The following SNTB1 variants were observed in gnomAD, a reference collection of about 807,000 sequenced individuals.
SNTB1 encodes the protein syntrophin beta 1, also known as beta-1-syntrophin.
In SNTB1, 36 loss-of-function variants were observed where a neutral mutation model predicts 48.9. The ratio of observed to expected loss-of-function variants is 0.74; its 90% CI spans 0.56 to 0.97. SNTB1 has a LOEUF of 0.97. Among genes scored for constraint, SNTB1 ranks in the 50% least tolerant of loss-of-function variants. The pLI, the probability that SNTB1 is intolerant of heterozygous loss-of-function variation, is 0.00. For missense variants in SNTB1, 786 were observed against 703.4 expected (o/e 1.12, Z -1.33); for synonymous variants, 299 against 294.6 (o/e 1.01, Z -0.15).
At chr8:120,699,754 C>T (rs1350463159) in intron 1 of SNTB1, among the ~76,000 whole-genome samples, 1 of 152,170 alleles carries the variant, frequency 6.6e-6, no homozygotes, top group African/African-American at 2.4e-5. Flanking sequence ...TTATTCTTGA[C>T]AGCTCTATGT....
At chr8:120,623,586 CCTT>C (rs1471386341) in intron 3 of SNTB1, among the ~76,000 whole-genome samples, 2 of 152,194 alleles carry the variant, frequency 1.3e-5, no homozygotes, top group Non-Finnish European at 2.9e-5. Context: ...CGTGCAGTGT[CCTT>C]CTCCCAGGCT....
intron 1 of SNTB1, among the ~76,000 whole-genome samples, chr8:120,706,708 C>T (rs77246837): frequency 2.6e-5 from 4 of 152,114 alleles, no homozygotes; most frequent in East Asian, 1.9e-4. Flanking sequence ...TGAAACTTTA[C>T]GTCAAAAGCA....
intron 1 of SNTB1, among the ~76,000 whole-genome samples, chr8:120,720,829 G>A (rs1462581523): frequency 6.6e-6 from 1 of 152,136 alleles, no homozygotes; most frequent in Admixed American, 6.5e-5. Flanking sequence ...TATTTATTTG[G>A]TGAGAAGAAG....
intron 1 of SNTB1, among the ~76,000 whole-genome samples, chr8:120,752,082 G>A (rs1819227625): frequency 6.6e-6 from 1 of 152,098 alleles, no homozygotes; most frequent in Non-Finnish European, 1.5e-5. Flanking sequence ...GACATACACA[G>A]TGAGAAGAGA....
chr8:120,599,269 G>T (rs540344275), intron 3 of SNTB1, among the ~76,000 whole-genome samples: 60 of 152,310 alleles, frequency 3.9e-4, no homozygotes, highest in Admixed American at 7.2e-4. Flanking sequence ...CACATTAAAA[G>T]TTAATAAAAA....
chr8:120,695,650 C>T (rs182584104), intron 1 of SNTB1, among the ~76,000 whole-genome samples: 99 of 152,046 alleles, frequency 6.5e-4, no homozygotes, highest in African/African-American at 9.6e-4. Context: ...TCTAGGAGCA[C>T]GAAAGACAGT....
chr8:120,672,465 G>T (rs1277489666), intron 2 of SNTB1, among the ~76,000 whole-genome samples: 1 of 152,142 alleles, frequency 6.6e-6, no homozygotes, highest in Non-Finnish European at 1.5e-5. Context: ...GACTTTCAAG[G>T]TCAATCCTGG....
At chr8:120,725,855 T>C (rs1166459367) in intron 1 of SNTB1, among the ~76,000 whole-genome samples, 1 of 152,216 alleles carries the variant, frequency 6.6e-6, no homozygotes. Flanking sequence ...AGAGTTGCTA[T>C]TTGAAAATTT....
chr8:120,626,785 C>G lies in SNTB1; in HGVS notation c.996+5659G>C, dbSNP rs925520398. On this transcript the variant is annotated intron_variant, in intron 3 of 6. Transcript: ENST00000517992. ...CCTCTGGGGCATCTTCATCCTTCAT[C>G]ACAGCTACAGTCTTCACTTACAGGT... is the stretch of plus-strand genomic sequence containing the variant. Among the ~76,000 whole-genome samples the G allele has an allele frequency of 2.0e-5, 3 of 152,304 alleles. No homozygotes were observed. The East Asian group carries it at 5.8e-4, about 29-fold the overall frequency.
chr8:120,542,049 C>A, intron 5 of SNTB1, 49 bp from the exon 6 acceptor site: 1 of 1,489,904 alleles, frequency 6.7e-7, no homozygotes, highest in Non-Finnish European at 9.1e-7. Context: ...CCATGGCAAT[C>A]AATCCATTTT....
chr8:120,713,797 G>C (rs564674254), intron 1 of SNTB1, among the ~76,000 whole-genome samples: 1 of 152,252 alleles, frequency 6.6e-6, no homozygotes, highest in South Asian at 2.1e-4. Flanking sequence ...CTTTCACACT[G>C]TGTAACATGT....
chr8:120,655,046 A>T (rs1449880019), intron 2 of SNTB1: 4 of 452,026 alleles, frequency 8.8e-6, no homozygotes, highest in Non-Finnish European at 1.8e-5. Flanking sequence ...GATGAAAAAT[A>T]CTTCTCAACA....
At chr8:120,651,462 C>A (rs370058341) in intron 2 of SNTB1, among the ~76,000 whole-genome samples, 1 of 152,112 alleles carries the variant, frequency 6.6e-6, no homozygotes, top group Non-Finnish European at 1.5e-5. Context: ...GAGTTGTGGC[C>A]GTAACTAGAG....
Position 120,583,560 on chromosome 8 carries a change from C to CACAAAA in SNTB1, c.997-8336_997-8335insTTTTGT, listed in dbSNP as rs1466831833. ...ACACACACACACACACACACACACACAAAACTGGAACAGTACTATCTCTCT... is the reference window on the plus strand; with the variant it reads ...ACACACACACACACACACACACACACACAAAAAAAACTGGAACAGTACTATCTCTCT... On this transcript the variant is annotated intron_variant, in intron 3 of 6. Coordinates refer to ENST00000517992, the MANE Select transcript of SNTB1 (RefSeq NM_021021.4). Among the ~76,000 whole-genome samples, 511 of 134,814 alleles carry CACAAAA rather than the reference C, an allele frequency of 3.8e-3. 3 individuals are homozygous for CACAAAA. The highest frequency in any genetic ancestry group is 0.013 in the African/African-American group (494 of 36,706). 88.4% of individuals were successfully genotyped at this position (134,814 alleles called of 152,430 possible).
At chr8:120,551,659 G>C (rs923339847) in intron 4 of SNTB1, among the ~76,000 whole-genome samples, 12 of 146,262 alleles carry the variant, frequency 8.2e-5, no homozygotes, top group Non-Finnish European at 8.9e-5. Flanking sequence ...CCGGGAGGCA[G>C]AGGTTGCAGT....
chr8:120,707,244 CA>C, intron 1 of SNTB1, among the ~76,000 whole-genome samples: 1 of 152,264 alleles, frequency 6.6e-6, no homozygotes, highest in Non-Finnish European at 1.5e-5. Context: ...CTTTCCCCAT[CA>C]AATTTTACCT....
At chr8:120,622,135 A>G (rs1014518306) in intron 3 of SNTB1, among the ~76,000 whole-genome samples, 2 of 152,154 alleles carry the variant, frequency 1.3e-5, no homozygotes, top group Non-Finnish European at 2.9e-5. Flanking sequence ...AAACACATGG[A>G]GAAATATTTT....
chr8:120,619,338 C>CAGAG (rs1298450480), intron 3 of SNTB1, among the ~76,000 whole-genome samples: 1 of 150,784 alleles, frequency 6.6e-6, no homozygotes, highest in Admixed American at 6.6e-5. Flanking sequence ...GAGAAAGAGA[C>CAGAG]AGAGAGAGAG....
At chr8:120,641,407 A>G (rs1487914900) in intron 2 of SNTB1, among the ~76,000 whole-genome samples, 2 of 152,192 alleles carry the variant, frequency 1.3e-5, no homozygotes, top group Non-Finnish European at 2.9e-5. Context: ...GAAGGCTGGC[A>G]TTTGTTTTCA....
Sources: allele counts gnomAD v4.1 joint callset (sites outside exome capture counted in the v4.1 genomes callset), GRCh38; gene constraint gnomAD v4.1.1; transcripts MANE v1.5; gene names NCBI Gene and HGNC (gene_info 2026-07-23, HGNC 2026-07-21).